Variants in GTPBP10 observed in about 807,000 individuals in gnomAD.
GTPBP10 encodes GTP binding protein 10.
In GTPBP10, 38 loss-of-function variants were observed where a neutral mutation model predicts 44.8. That is an observed-to-expected ratio of 0.85 (90% CI 0.65 to 1.11). The LOEUF (loss-of-function observed/expected upper bound fraction) is 1.11. Among genes scored for constraint, GTPBP10 ranks in the 50% most tolerant of loss-of-function variants. The pLI is 0.00. For missense variants in GTPBP10, 462 were observed against 453.7 expected, an observed-to-expected ratio of 1.02 and a Z score of -0.17; for synonymous variants, 152 against 150.6, an observed-to-expected ratio of 1.01 and a Z score of -0.07.
intron 4 of GTPBP10, chr7:90,371,178 A>G (rs1434354152): frequency 3.1e-6 from 3 of 971,646 alleles, no homozygotes; most frequent in Non-Finnish European, 3.7e-6. Flanking sequence ...AAAGTTGTCT[A>G]TGAATTCCAC....
chr7:90,376,070 CAA>C (rs368737563), intron 6 of GTPBP10, among the ~76,000 whole-genome samples: 4 of 129,342 alleles, frequency 3.1e-5, no homozygotes, highest in Non-Finnish European at 1.7e-5. Context: ...ACTAAAAATA[CAA>C]AAAAAAAAAA....
intron 4 of GTPBP10, among the ~76,000 whole-genome samples, chr7:90,365,416 C>T: frequency 7.8e-6 from 1 of 128,074 alleles, no homozygotes; most frequent in African/African-American, 3.0e-5. Context: ...CGCTCTGTCA[C>T]CCAGGCTGGA....
chr7:90,382,883 C>T, intron 8 of GTPBP10, 73 bp from the exon 9 acceptor site: 1 of 1,010,820 alleles, frequency 9.9e-7, no homozygotes, highest in Non-Finnish European at 1.4e-6. Context: ...TCACCTGGGT[C>T]ATTAATTACC....
At chr7:90,354,679 A>AT in intron 3 of GTPBP10, 130 bp downstream of exon 3, 1 of 517,374 alleles carries the variant, frequency 1.9e-6, no homozygotes, top group Non-Finnish European at 3.4e-6. Flanking sequence ...ATAAGAGAGC[A>AT]TTTTTAAAAC....
intron 4 of GTPBP10, among the ~76,000 whole-genome samples, chr7:90,360,694 A>T (rs1377914397): frequency 6.6e-6 from 1 of 152,118 alleles, no homozygotes; most frequent in Non-Finnish European, 1.5e-5. Context: ...TGGTAGCTTG[A>T]TGGGGCTGGC....
rs1401106655 is a variant in GTPBP10 at position 90,385,349 on chromosome 7, G to A, written c.*195G>A. ...ATAGAATGGTGGTTATCAAGGGCTG[G>A]TGGGGCAGTGGAGGATTGAGGAGAT... On this transcript the variant is annotated 3_prime_UTR_variant, in exon 10 of 10. Transcript: ENST00000222511. The A allele has an allele frequency of 4.4e-6, 2 of 450,480 alleles. No homozygotes were observed. The highest frequency in any genetic ancestry group is 7.2e-5 in the East Asian group (2 of 27,696). 27.9% of individuals were successfully genotyped at this position (450,480 alleles called of 1,614,324 possible).
chr7:90,363,585 A>T (rs1022016755), intron 4 of GTPBP10, among the ~76,000 whole-genome samples: 2 of 152,098 alleles, frequency 1.3e-5, no homozygotes, highest in African/African-American at 4.8e-5. Context: ...CTTCATTTCA[A>T]CTTTGGTGAA....
At chr7:90,349,505 A>C (rs1795747026) in intron 1 of GTPBP10, among the ~76,000 whole-genome samples, 1 of 152,148 alleles carries the variant, frequency 6.6e-6, no homozygotes. Context: ...TCAGGGAGAA[A>C]GCATCCATGG....
intron 4 of GTPBP10, among the ~76,000 whole-genome samples, chr7:90,356,030 G>A (rs1309423661): frequency 7.2e-6 from 1 of 138,470 alleles, no homozygotes; most frequent in Non-Finnish European, 1.5e-5. Flanking sequence ...GAAAGCTTAA[G>A]GACAAGATAA....
At chr7:90,371,044 TAAA>T (rs1796248158) in intron 4 of GTPBP10, 1 of 152,268 alleles carries the variant, frequency 6.6e-6, no homozygotes, top group Non-Finnish European at 1.5e-5. Context: ...AATAAATAAA[TAAA>T]TAGATATGAG....
intron 4 of GTPBP10, among the ~76,000 whole-genome samples, chr7:90,360,579 C>G (rs189286318): frequency 6.6e-6 from 1 of 152,194 alleles, no homozygotes; most frequent in Non-Finnish European, 1.5e-5. Context: ...AGCATGATGT[C>G]TCCAGCTTTG....
intron 8 of GTPBP10, among the ~76,000 whole-genome samples, chr7:90,382,309 G>A (rs887191040): frequency 1.8e-4 from 27 of 151,978 alleles, no homozygotes; most frequent in Non-Finnish European, 4.0e-4. Flanking sequence ...ATAGAGATGG[G>A]GTCTCGTTAT....
chr7:90,351,542 ATTTGC>A (rs964744585), intron 1 of GTPBP10, among the ~76,000 whole-genome samples: 24 of 152,150 alleles, frequency 1.6e-4, no homozygotes, highest in Non-Finnish European at 1.3e-4. Flanking sequence ...TTTCCAATCT[ATTTGC>A]TTTGTAAGTT....
At chr7:90,370,862 C>T (rs766185780) in intron 4 of GTPBP10, among the ~76,000 whole-genome samples, 3 of 151,850 alleles carry the variant, frequency 2.0e-5, no homozygotes, top group Non-Finnish European at 4.4e-5. Flanking sequence ...AAAAAATTAG[C>T]CAGGCATTGT....
chr7:90,356,629 CTTCTTTTTTTCTT>C (rs1795906477), intron 4 of GTPBP10, among the ~76,000 whole-genome samples: 1 of 151,920 alleles, frequency 6.6e-6, no homozygotes, highest in Non-Finnish European at 1.5e-5. Flanking sequence ...TTTGTTTTCT[CTTCTTTTTTTCTT>C]TTCTTTTCTC....
intron 1 of GTPBP10, among the ~76,000 whole-genome samples, chr7:90,352,387 T>G (rs1795806921): frequency 6.6e-6 from 1 of 152,246 alleles, no homozygotes; most frequent in Non-Finnish European, 1.5e-5. Flanking sequence ...TTGGGGAATT[T>G]CAAATATAAG....
intron 4 of GTPBP10, among the ~76,000 whole-genome samples, chr7:90,367,593 G>A (rs554449106): frequency 7.6e-4 from 116 of 152,214 alleles, no homozygotes; most frequent in African/African-American, 2.6e-3. Context: ...TCAGAGACTA[G>A]GATTGCAACC....
intron 4 of GTPBP10, among the ~76,000 whole-genome samples, chr7:90,356,362 T>C (rs191951913): frequency 6.6e-6 from 1 of 152,330 alleles, no homozygotes; most frequent in Admixed American, 6.5e-5. Context: ...TAATCCTCTA[T>C]ATTTTTAGGA....
chr7:90,353,126 A>T, intron 2 of GTPBP10, 117 bp downstream of exon 2: 1 of 648,186 alleles, frequency 1.5e-6, no homozygotes, highest in Non-Finnish European at 2.5e-6. Flanking sequence ...TCCTGTATTT[A>T]TAACCAAGCA....
Sources: allele counts gnomAD v4.1 joint callset (sites outside exome capture counted in the v4.1 genomes callset), GRCh38; gene constraint gnomAD v4.1.1; transcripts MANE v1.5; gene names NCBI Gene and HGNC (gene_info 2026-07-23, HGNC 2026-07-21).